The following FRMD4B variants were observed in gnomAD, a reference collection of about 807,000 sequenced individuals.
FRMD4B encodes the protein FERM domain containing 4B.
FRMD4B carries 74 observed loss-of-function variants against 141.5 expected under a neutral mutation model. That is an observed-to-expected ratio of 0.52 (90% CI 0.43 to 0.63). The LOEUF is 0.63. Ranked by LOEUF, FRMD4B falls within the 30% of genes least tolerant of loss-of-function variation. The pLI, the probability that FRMD4B is intolerant of heterozygous loss-of-function variation, is 0.00. For synonymous variants in FRMD4B, 506 were observed against 467.9 expected, an observed-to-expected ratio of 1.08 and a Z score of -1.05; for missense variants, 1,366 against 1,253.4, an observed-to-expected ratio of 1.09 and a Z score of -1.36.
At chr3:69,378,430 C>G (rs1231806563) in intron 1 of FRMD4B, among the ~76,000 whole-genome samples, 1 of 152,204 alleles carries the variant, frequency 6.6e-6, no homozygotes, top group African/African-American at 2.4e-5. Flanking sequence ...TTCTGTGGGC[C>G]TGAATGACAG....
At chr3:69,408,922 G>A (rs1704705563) in intron 2 of FRMD4B, among the ~76,000 whole-genome samples, 1 of 152,096 alleles carries the variant, frequency 6.6e-6, no homozygotes, top group African/African-American at 2.4e-5. Flanking sequence ...CTATCAACCT[G>A]GGGTAAAATC....
intron 4 of FRMD4B, among the ~76,000 whole-genome samples, chr3:69,288,245 C>T (rs776785387): frequency 2.0e-5 from 3 of 152,226 alleles, no homozygotes; most frequent in Non-Finnish European, 4.4e-5. Flanking sequence ...CTAACCGAAC[C>T]CCAAAGCCTG....
At chr3:69,302,291 C>A in intron 4 of FRMD4B, 52 bp downstream of exon 4, 1 of 990,050 alleles carries the variant, frequency 1.0e-6, no homozygotes, top group Non-Finnish European at 1.6e-6. Flanking sequence ...CACAAAAACC[C>A]AAAAATAACA....
chr3:69,455,442 AG>A (rs1230367054), intron 1 of FRMD4B, among the ~76,000 whole-genome samples: 1 of 152,220 alleles, frequency 6.6e-6, no homozygotes, highest in Non-Finnish European at 1.5e-5. Flanking sequence ...ATGCACCAGG[AG>A]GAATGAACAA....
At chr3:69,422,798 A>G (rs1234018548) in intron 2 of FRMD4B, among the ~76,000 whole-genome samples, 3 of 138,044 alleles carry the variant, frequency 2.2e-5, no homozygotes, top group African/African-American at 7.7e-5. Context: ...AAAAATGAAA[A>G]AGGAAAAAAA....
At chr3:69,429,963 G>A (rs1007271743) in intron 2 of FRMD4B, among the ~76,000 whole-genome samples, 1 of 151,734 alleles carries the variant, frequency 6.6e-6, no homozygotes, top group African/African-American at 2.4e-5. Flanking sequence ...GTTTCATCAT[G>A]TTGACCATGC....
intron 1 of FRMD4B, among the ~76,000 whole-genome samples, chr3:69,352,656 A>T (rs1033172404): frequency 2.0e-5 from 3 of 152,188 alleles, no homozygotes; most frequent in Non-Finnish European, 4.4e-5. Flanking sequence ...AAGGCAGCAA[A>T]GAAAAAAAAC....
intron 5 of FRMD4B, among the ~76,000 whole-genome samples, chr3:69,285,359 T>C (rs1445441010): frequency 6.8e-6 from 1 of 146,910 alleles, no homozygotes; most frequent in East Asian, 2.0e-4. Flanking sequence ...GCCAAGCGTA[T>C]GTGTAATTGG....
chr3:69,447,319 A>G (rs1268332825), intron 1 of FRMD4B, among the ~76,000 whole-genome samples: 1 of 152,204 alleles, frequency 6.6e-6, no homozygotes, highest in Non-Finnish European at 1.5e-5. Context: ...AAGATCCCAT[A>G]ATGAGTAAAT....
rs1176503792 is a variant in FRMD4B, at chr3:69,313,653, G to A, written c.163-136C>T. ...TTAGTTGAGTTAATAAACAGGCTTG[G>A]CCAAAAACAGATTTATTATATGGGA... On this transcript the variant is annotated intron_variant, in intron 1 of 22. Coordinates refer to ENST00000398540, the MANE Select transcript of FRMD4B (RefSeq NM_015123.3). 7 of 618,350 alleles carry A rather than the reference G, an allele frequency of 1.1e-5. No homozygotes were observed. In the East Asian group the frequency reaches 1.9e-4, roughly 17 times the overall value. 38.3% of individuals were successfully genotyped at this position (618,350 alleles called of 1,614,324 possible).
upstream of FRMD4B, among the ~76,000 whole-genome samples, chr3:69,389,914 T>C (rs1201384587): frequency 6.6e-6 from 1 of 151,618 alleles, no homozygotes; most frequent in African/African-American, 2.4e-5. Context: ...TTCTTTCTTT[T>C]TTTTTTTAAT....
rs528469236 is a variant in FRMD4B at position 69,230,274 on chromosome 3, C to T, written c.582-5584G>A. Among the ~76,000 whole-genome samples, 85 of 152,134 alleles carry T rather than the reference C, an allele frequency of 5.6e-4. 1 individual carries two copies. Among genetic ancestry groups the T allele is most frequent in the African/African-American group, 1.9e-3 (79 of 41,524 alleles). On this transcript the variant is annotated intron_variant, in intron 7 of 22. Transcript: ENST00000398540. ...TACAGGCATGAGCCACCTCGTCCGG[C>T]GACTATCAAACTTTAAAACTCCAAC...
At chr3:69,404,195 T>C (rs1187175112) in intron 2 of FRMD4B, among the ~76,000 whole-genome samples, 2 of 152,188 alleles carry the variant, frequency 1.3e-5, no homozygotes, top group African/African-American at 4.8e-5. Context: ...ATGTGCCTGG[T>C]CTCCTAAGAA....
chr3:69,287,932 G>T, intron 4 of FRMD4B, 96 bp from the exon 5 acceptor site: 1 of 613,454 alleles, frequency 1.6e-6, no homozygotes, highest in Non-Finnish European at 2.9e-6. Flanking sequence ...AGAATTTTGA[G>T]AAACCTGAGG....
intron 1 of FRMD4B, among the ~76,000 whole-genome samples, chr3:69,482,638 G>A (rs781225814): frequency 1.1e-4 from 16 of 152,184 alleles, no homozygotes; most frequent in Non-Finnish European, 1.8e-4. Context: ...GCTTACTGAT[G>A]CCAATTTCCT....
At chr3:69,284,733 C>T (rs116057099) in intron 5 of FRMD4B, among the ~76,000 whole-genome samples, 1 of 152,060 alleles carries the variant, frequency 6.6e-6, no homozygotes, top group African/African-American at 2.4e-5. Context: ...ATCAAAAATA[C>T]CCGGAACTGA....
At chr3:69,433,506 G>A (rs758530189) in intron 1 of FRMD4B, among the ~76,000 whole-genome samples, 44 of 152,172 alleles carry the variant, frequency 2.9e-4, no homozygotes, top group Admixed American at 2.0e-3. Flanking sequence ...GGCACCATCC[G>A]CTTGGCACCT....
At chr3:69,265,587 A>G (rs1049111324) in intron 5 of FRMD4B, among the ~76,000 whole-genome samples, 1 of 150,228 alleles carries the variant, frequency 6.7e-6, no homozygotes, top group African/African-American at 2.5e-5. Flanking sequence ...AGCTGGGACT[A>G]TAGGCGCCCA....
intron 1 of FRMD4B, among the ~76,000 whole-genome samples, chr3:69,463,758 C>T (rs531502188): frequency 3.3e-5 from 5 of 152,236 alleles, no homozygotes; most frequent in East Asian, 1.9e-4. Flanking sequence ...CATGACTCTA[C>T]GGAAATCCAT....
Sources: allele counts gnomAD v4.1 joint callset (sites outside exome capture counted in the v4.1 genomes callset), GRCh38; gene constraint gnomAD v4.1.1; transcripts MANE v1.5; gene names NCBI Gene and HGNC (gene_info 2026-07-23, HGNC 2026-07-21).